ICAM2: variants seen among roughly 807,000 people sequenced by gnomAD.
The protein encoded by ICAM2 is ICAM-2.
In ICAM2, 14 loss-of-function variants were observed where a neutral mutation model predicts 19.1. The observed-to-expected ratio is 0.73, with a 90% confidence interval of 0.48 to 1.15. The LOEUF (loss-of-function observed/expected upper bound fraction) is 1.15, where lower values mean the gene tolerates loss of function less well. ICAM2 is among the 50% of genes most tolerant of loss of function. The pLI, the probability that ICAM2 is intolerant of heterozygous loss-of-function variation, is 0.00. For missense variants in ICAM2, 311 were observed against 355.4 expected, an observed-to-expected ratio of 0.88 and a Z score of 1.00; for synonymous variants, 153 against 152.7, an observed-to-expected ratio of 1.00 and a Z score of -0.01.
At chr17:64,015,327 C>T (rs925711926) in intron 1 of ICAM2, among the ~76,000 whole-genome samples, 1 of 152,088 alleles carries the variant, frequency 6.6e-6, no homozygotes, top group Admixed American at 6.5e-5. Flanking sequence ...TATGCTACAA[C>T]ATAGGAATTG....
At chr17:64,011,475 A>G (rs931242936) in intron 1 of ICAM2, among the ~76,000 whole-genome samples, 32 of 152,186 alleles carry the variant, frequency 2.1e-4, no homozygotes, top group Non-Finnish European at 5.9e-5. Flanking sequence ...AAAAGAGGAC[A>G]TACAAATGGC....
At position 64,005,388 on chromosome 17, in the gene ICAM2, A is replaced by C; in HGVS notation, c.62-15T>G. 6.2e-7 allele frequency: 1 copy of C among 1,609,652 alleles called. No individual in the cohort carries two copies. The highest frequency in any genetic ancestry group is 1.1e-5 in the South Asian group (1 of 90,712). On this transcript the variant is annotated splice_polypyrimidine_tract_variant and intron_variant, in intron 2 of 4. Transcript: ENST00000579788. ...CTCATCCGATCCTGGAAAACCAGAA[A>C]CACTGGGCAGTCGTGTCATCCCCCC...
At chr17:64,018,543 G>A (rs967434524) in intron 1 of ICAM2, among the ~76,000 whole-genome samples, 6 of 151,752 alleles carry the variant, frequency 4.0e-5, no homozygotes, top group African/African-American at 1.5e-4. Context: ...AGGTTAATAG[G>A]CACCCTTCTA....
At chr17:64,007,291 CACTCTTGTCGCCCAGGCT>C (rs1212140863) in intron 1 of ICAM2, among the ~76,000 whole-genome samples, 4 of 151,554 alleles carry the variant, frequency 2.6e-5, no homozygotes, top group African/African-American at 7.3e-5. Context: ...GATGGAGTCT[CACTCTTGTCGCCCAGGCT>C]GGAGTGCTGT....
intron 1 of ICAM2, among the ~76,000 whole-genome samples, chr17:64,013,280 C>G (rs1334526606): frequency 6.6e-6 from 1 of 152,150 alleles, no homozygotes; most frequent in East Asian, 1.9e-4. Context: ...CCACTGCACT[C>G]TAGCCTGGGC....
At chr17:64,004,971 G>T in intron 3 of ICAM2, 136 bp downstream of exon 3, 3 of 1,016,056 alleles carry the variant, frequency 3.0e-6, no homozygotes, top group Non-Finnish European at 4.5e-6. Context: ...CCTGCCCCTT[G>T]TCACCCCAGG....
rs1305997798 is a variant in ICAM2 at position 64,006,656 on chromosome 17, G to C, written c.36C>G (p.Ala12=). ...SSFGYRTLTV[A]LFTLICCPGS... Reference sequence around the variant, plus strand: ...CTGGACAGCAGATCAGGGTGAAGAGGGCCACAGTCAGGGTCCTGTAACCGA... The same window carrying C: ...CTGGACAGCAGATCAGGGTGAAGAGCGCCACAGTCAGGGTCCTGTAACCGA... The change falls in exon 2 of 5, where the codon GCC becomes GCG. Residue 12 remains alanine (A), a synonymous_variant. Transcript: ENST00000579788. The C allele has an allele frequency of 1.2e-6, 2 of 1,614,054 alleles. No individual in the cohort carries two copies. The highest frequency in any genetic ancestry group is 2.7e-5 in the African/African-American group (2 of 74,928).
chr17:64,017,687 T>C (rs1165990084), intron 1 of ICAM2, among the ~76,000 whole-genome samples: 1 of 152,200 alleles, frequency 6.6e-6, no homozygotes, highest in Non-Finnish European at 1.5e-5. Context: ...ATTAAGACTT[T>C]CTGTAAAATA....
In ICAM2 at chr17:64,002,896, T is replaced by C. The variant is rs1160078842; in HGVS notation, c.679A>G (p.Ile227Val). Residue 227 changes from isoleucine to valine, a missense_variant, in exon 5 of 5, where the codon ATA (isoleucine) becomes GTA (valine). Coordinates refer to ENST00000579788, the MANE Select transcript of ICAM2 (RefSeq NM_001099789.2). ...AGCAACACCGACACCACCGTGACTATGATGACCATCTGGCTGTCCGACACA... is the reference window on the plus strand; with the variant it reads ...AGCAACACCGACACCACCGTGACTACGATGACCATCTGGCTGTCCGACACA... ...EPVSDSQMVI[I>V]VTVVSVLLSL... 1.9e-6 allele frequency: 3 copies of C among 1,613,316 alleles called. No individual in the cohort carries two copies. Among genetic ancestry groups the C allele is most frequent in the East Asian group, 4.5e-5 (2 of 44,842 alleles).
chr17:64,008,334 C>A (rs900408087), intron 1 of ICAM2, among the ~76,000 whole-genome samples: 1 of 152,152 alleles, frequency 6.6e-6, no homozygotes, highest in Non-Finnish European at 1.5e-5. Context: ...GAAACCCAAG[C>A]CAGGGGCTGG....
intron 1 of ICAM2, among the ~76,000 whole-genome samples, chr17:64,014,384 GAAGGAAGGAAGGAAGGAAGGAAGA>G (rs1911591940): frequency 7.0e-5 from 2 of 28,438 alleles, no homozygotes; most frequent in Non-Finnish European, 1.5e-4. Flanking sequence ...AGAAAGGAAG[GAAGGAAGGAAGGAAGGAAGGAAGA>G]GAAAGAGAAA....
intron 1 of ICAM2, 169 bp from the exon 2 acceptor site, chr17:64,006,904 A>G: frequency 3.4e-6 from 2 of 593,786 alleles, no homozygotes; most frequent in Non-Finnish European, 6.0e-6. Context: ...GGAAGCTGGG[A>G]AGCTGCTGAT....
rs147411266 is a variant in ICAM2, at chr17:64,014,667, G to A, written c.-45+5856C>T. ...AGAGAGAGAAAGAAAGGAAGAAAGA[G>A]AGAAAGAAAGAAAGGAAGGAAGGAA... On this transcript the variant is annotated intron_variant, in intron 1 of 4. Transcript: ENST00000579788. 1.5e-3 allele frequency among the ~76,000 whole-genome samples: 192 copies of A among 125,040 alleles called. 1 individual carries two copies. The highest frequency in any genetic ancestry group is 6.2e-3 in the African/African-American group (182 of 29,148). 82.0% of individuals were successfully genotyped at this position (125,040 alleles called of 152,430 possible). A position where few individuals can be genotyped will look rare whatever the true frequency, so the allele number is the denominator to read the frequency against.
chr17:64,010,895 A>T (rs4968683), intron 1 of ICAM2, among the ~76,000 whole-genome samples: 131,850 of 152,116 alleles, frequency 0.87, 60,338 homozygotes, highest in East Asian at 1. Flanking sequence ...CTAACTTGGA[A>T]TTTTTAGGAG....
At chr17:64,011,007 C>T (rs534085152) in intron 1 of ICAM2, among the ~76,000 whole-genome samples, 1 of 151,934 alleles carries the variant, frequency 6.6e-6, no homozygotes, top group African/African-American at 2.4e-5. Context: ...ACTCAAACAA[C>T]TCAATAGCAA....
chr17:64,014,335 GAAAGAAAGAAA>G (rs1911572517), intron 1 of ICAM2, among the ~76,000 whole-genome samples: 1 of 40,384 alleles, frequency 2.5e-5, no homozygotes, highest in Non-Finnish European at 5.1e-5. Context: ...AGGAAGGAAA[GAAAGAAAGAAA>G]GAAAGAAAGA....
chr17:64,013,522 A>G (rs1397114300), intron 1 of ICAM2, among the ~76,000 whole-genome samples: 1 of 152,042 alleles, frequency 6.6e-6, no homozygotes, highest in African/African-American at 2.4e-5. Flanking sequence ...AAAAAATACT[A>G]AAACACAAAG....
intron 1 of ICAM2, among the ~76,000 whole-genome samples, chr17:64,011,323 G>A (rs548124771): frequency 2.6e-5 from 4 of 152,292 alleles, no homozygotes; most frequent in East Asian, 1.9e-4. Flanking sequence ...GTAGCTGGGC[G>A]TAGTGGCACA....
chr17:64,019,175 G>C (rs1049160693), intron 1 of ICAM2, among the ~76,000 whole-genome samples: 4 of 152,100 alleles, frequency 2.6e-5, no homozygotes, highest in African/African-American at 9.7e-5. Context: ...AAAGCATTTA[G>C]AACAGTGCCT....
Sources: allele counts gnomAD v4.1 joint callset (sites outside exome capture counted in the v4.1 genomes callset), GRCh38; gene constraint gnomAD v4.1.1; transcripts MANE v1.5; gene names NCBI Gene and HGNC (gene_info 2026-07-23, HGNC 2026-07-21).